Variants in PAX2 observed in about 807,000 individuals in gnomAD.
PAX2 encodes the protein paired box 2.
A neutral mutation model predicts 41.7 loss-of-function variants in PAX2; 9 were observed. The ratio of observed to expected loss-of-function variants is 0.22; its 90% CI spans 0.13 to 0.38. The LOEUF (loss-of-function observed/expected upper bound fraction) is 0.38. Among genes scored for constraint, PAX2 ranks in the 10% least tolerant of loss-of-function variants. PAX2 has a pLI of 1.00. For synonymous variants in PAX2, 221 were observed against 212.7 expected (o/e 1.04, Z -0.34); for missense variants, 418 against 531.6 (o/e 0.79, Z 2.10).
At chr10:100,744,751 T>C (rs1043285845), upstream of PAX2, among the ~76,000 whole-genome samples, 45 of 152,052 alleles carry the variant, frequency 3.0e-4, no homozygotes, top group African/African-American at 1.0e-3. Context: ...GTCCCCCGGC[T>C]CTCCCGCCAT....
intron 7 of PAX2, among the ~76,000 whole-genome samples, chr10:100,823,758 G>T (rs1848447900): frequency 6.6e-6 from 1 of 152,090 alleles, no homozygotes; most frequent in African/African-American, 2.4e-5. Context: ...GGGAGGTGGT[G>T]GCCCCTTCAT....
chr10:100,817,134 G>A (rs527806739), intron 7 of PAX2, among the ~76,000 whole-genome samples: 1 of 152,084 alleles, frequency 6.6e-6, no homozygotes, highest in South Asian at 2.1e-4. Context: ...TTGAGTGCCA[G>A]TACCTGCCCA....
In PAX2 at chr10:100,746,088, C is replaced by A; in HGVS notation, c.-173C>A. 6.6e-7 allele frequency: 1 copy of A among 1,514,542 alleles called. No individual in the cohort carries two copies. Among genetic ancestry groups the A allele is most frequent in the Admixed American group, 2.1e-5 (1 of 47,872 alleles). 93.8% of individuals were successfully genotyped at this position (1,514,542 alleles called of 1,614,324 possible). A position where few individuals can be genotyped will look rare whatever the true frequency, so the allele number is the denominator to read the frequency against. On this transcript the variant is annotated 5_prime_UTR_variant, in exon 1 of 10. Coordinates refer to ENST00000355243, the MANE Select transcript of PAX2 (RefSeq NM_000278.5). ...CAAGCTCCGGCCAACCCGGAGGAGC[C>A]CCAGCGGGGAGCGCAGTGCTGCGCC...
At chr10:100,779,410 G>A (rs1846519548) in intron 3 of PAX2, 88 bp from the exon 4 acceptor site, 1 of 1,109,082 alleles carries the variant, frequency 9.0e-7, no homozygotes, top group South Asian at 1.3e-5. Flanking sequence ...GAGGAACTTG[G>A]GAGAGAGCCC....
Position 100,824,602 on chromosome 10 carries a change from G to T in PAX2, c.920-46G>T, listed in dbSNP as rs1848484826. ...AGTACCCTGGTGTGAGTAGAGGCAG[G>T]CCCCTTTCTTCCAGGCCTCACCCCT... is the stretch of plus-strand genomic sequence containing the variant. On this transcript the variant is annotated intron_variant, in intron 7 of 9. Transcript: ENST00000355243. This position sits in a 1 kb window ranked among gnomAD's most constrained non-coding sequence, Gnocchi z 6.6. The T allele has an allele frequency of 1.6e-6, 2 of 1,262,394 alleles. No individual in the cohort carries two copies. Among genetic ancestry groups the T allele is most frequent in the Middle Eastern group, 1.8e-4 (1 of 5,422 alleles). 78.2% of individuals were successfully genotyped at this position (1,262,394 alleles called of 1,614,324 possible). A position where few individuals can be genotyped will look rare whatever the true frequency, so the allele number is the denominator to read the frequency against.
intron 6 of PAX2, among the ~76,000 whole-genome samples, chr10:100,807,103 A>G (rs556560920): frequency 2.6e-5 from 4 of 152,088 alleles, no homozygotes; most frequent in Admixed American, 6.5e-5. Context: ...CAGCAATTCA[A>G]TGGAACCCTA....
chr10:100,768,145 T>C (rs1846088274), intron 3 of PAX2, among the ~76,000 whole-genome samples: 1 of 152,174 alleles, frequency 6.6e-6, no homozygotes, highest in Non-Finnish European at 1.5e-5. Flanking sequence ...AATGATGGTG[T>C]AGAGTCTCGC....
At chr10:100,775,414 G>C (rs190599489) in intron 3 of PAX2, among the ~76,000 whole-genome samples, 1 of 152,098 alleles carries the variant, frequency 6.6e-6, no homozygotes, top group Non-Finnish European at 1.5e-5. Context: ...TAAATTCTCC[G>C]AGATCAGCTC....
At chr10:100,790,204 G>A (rs1847050075) in intron 5 of PAX2, among the ~76,000 whole-genome samples, 1 of 152,160 alleles carries the variant, frequency 6.6e-6, no homozygotes. Context: ...TCAGAATAGA[G>A]AGGTCAATTC....
At chr10:100,746,859 G>A (rs1845197773) in intron 1 of PAX2, among the ~76,000 whole-genome samples, 1 of 152,234 alleles carries the variant, frequency 6.6e-6, no homozygotes, top group African/African-American at 2.4e-5. Flanking sequence ...GTGTGGGGGT[G>A]GGGTGCCCCC....
chr10:100,827,604 C>T lies in PAX2; in HGVS notation c.1170C>T (p.Ala390=). The T allele has an allele frequency of 3.1e-6, 5 of 1,613,968 alleles. No homozygotes were observed. The highest frequency in any genetic ancestry group is 4.2e-6 in the Non-Finnish European group (5 of 1,179,892). ...CCGCCCCTGCCGCTGCTGCCGCTGCCTATGACCGCCACTAGTTACCGCGGG... is the reference window on the plus strand; with the variant it reads ...CCGCCCCTGCCGCTGCTGCCGCTGCTTATGACCGCCACTAGTTACCGCGGG... ...RGSAPAAAAA[A]YDRH The change falls in exon 10 of 10, where the codon GCC becomes GCT. Residue 390 remains alanine, a synonymous_variant. Coordinates refer to ENST00000355243, the MANE Select transcript of PAX2 (RefSeq NM_000278.5). The surrounding 1 kb of genome is among the most constrained non-coding windows in gnomAD (Gnocchi z 8.5).
rs571827413 is a variant in PAX2 at position 100,809,496 on chromosome 10, G to A, written c.919+260G>A. On this transcript the variant is annotated intron_variant, in intron 7 of 9. Coordinates refer to ENST00000355243, the MANE Select transcript of PAX2 (RefSeq NM_000278.5). ...TTGCCAGTTCTTCCTCCTGTCCTTCGCCTCTCCCTTTGTCTATTTCTCTTC... is the reference window on the plus strand; with the variant it reads ...TTGCCAGTTCTTCCTCCTGTCCTTCACCTCTCCCTTTGTCTATTTCTCTTC... 5.9e-5 allele frequency among the ~76,000 whole-genome samples: 9 copies of A among 152,278 alleles called. No homozygotes were observed. In the East Asian group the frequency reaches 7.7e-4, roughly 13 times the overall value.
chr10:100,792,178 A>C (rs60349248), intron 5 of PAX2, among the ~76,000 whole-genome samples: 3,493 of 152,336 alleles, frequency 0.023, 143 homozygotes, highest in African/African-American at 0.081. Context: ...TGACAATGTT[A>C]AAGTATGAAA....
intron 5 of PAX2, among the ~76,000 whole-genome samples, chr10:100,798,661 C>T (rs1459844628): frequency 6.6e-6 from 1 of 152,130 alleles, no homozygotes; most frequent in Admixed American, 6.5e-5. Context: ...TCCCTCCCTT[C>T]TCCTATCTCC....
At chr10:100,789,034 T>C (rs1419583999) in intron 5 of PAX2, among the ~76,000 whole-genome samples, 4 of 152,130 alleles carry the variant, frequency 2.6e-5, no homozygotes, top group East Asian at 1.9e-4. Context: ...TTTGCTCTCC[T>C]CCCAGACCCT....
At chr10:100,820,767 A>G (rs1191353593) in intron 7 of PAX2, among the ~76,000 whole-genome samples, 2 of 152,240 alleles carry the variant, frequency 1.3e-5, no homozygotes, top group Non-Finnish European at 2.9e-5. Flanking sequence ...AGTGTCCAAC[A>G]TGAAATGCCC....
At chr10:100,808,446 C>T (rs1847873823) in intron 6 of PAX2, among the ~76,000 whole-genome samples, 1 of 152,154 alleles carries the variant, frequency 6.6e-6, no homozygotes, top group Non-Finnish European at 1.5e-5. Context: ...TGTGCAGGCT[C>T]CCGGTCTGCC....
intron 7 of PAX2, among the ~76,000 whole-genome samples, chr10:100,812,469 T>G (rs1425345407): frequency 6.6e-6 from 1 of 152,162 alleles, no homozygotes; most frequent in Non-Finnish European, 1.5e-5. Flanking sequence ...TCAGGTTGGC[T>G]GGCTGTGGCT....
chr10:100,749,046 C>T (rs919557536), intron 1 of PAX2: 62 of 985,348 alleles, frequency 6.3e-5, no homozygotes, highest in Non-Finnish European at 7.2e-5. Context: ...CATCCGCCTT[C>T]CTTGCTCTAC....
Sources: gnomAD v4.1 joint callset for allele counts (sites outside exome capture counted in the v4.1 genomes callset) on GRCh38, gnomAD v4.1.1 for gene constraint, Gnocchi (gnomAD v3.1) non-coding constraint, MANE v1.5 for transcripts, NCBI Gene and HGNC (gene_info 2026-07-23, HGNC 2026-07-21) for gene names.